The following ATOSA variants were observed in gnomAD, a reference collection of about 807,000 sequenced individuals.
ATOSA encodes the protein atos homolog A.
At chr15:52,608,500 C>G in the ATOSA span, 2 of 1,476,874 alleles carry the variant, frequency 1.4e-6, no homozygotes, top group African/African-American at 1.4e-5. Flanking sequence ...AACCAGATCT[C>G]CTGTGAACAA....
the ATOSA span, chr15:52,605,125 AT>A: frequency 1.4e-5 from 22 of 1,586,978 alleles, no homozygotes; most frequent in Non-Finnish European, 1.9e-5. Context: ...AAGAAAAAAA[AT>A]GCTTACAGGG....
At chr15:52,682,797 G>A in the ATOSA span, among the ~76,000 whole-genome samples, 1 of 152,176 alleles carries the variant, frequency 6.6e-6, no homozygotes, top group African/African-American at 2.4e-5. Context: ...AAGATGAAAT[G>A]CAAGCTATCT....
At chr15:52,608,557 A>G in the ATOSA span, 2 of 1,544,156 alleles carry the variant, frequency 1.3e-6, no homozygotes, top group Non-Finnish European at 1.7e-6. Flanking sequence ...GACATATTAG[A>G]TGTTACTTAC....
the ATOSA span, among the ~76,000 whole-genome samples, chr15:52,668,191 G>T: frequency 2.6e-5 from 4 of 152,136 alleles, no homozygotes; most frequent in Admixed American, 6.5e-5. Context: ...GTACACACAC[G>T]TGCGCACACA....
At chr15:52,692,310 T>G in the ATOSA span, among the ~76,000 whole-genome samples, 1 of 152,212 alleles carries the variant, frequency 6.6e-6, no homozygotes, top group African/African-American at 2.4e-5. Context: ...AATCTACACT[T>G]GACAAAATTT....
At chr15:52,598,248 T>G in the ATOSA span, among the ~76,000 whole-genome samples, 2 of 152,170 alleles carry the variant, frequency 1.3e-5, no homozygotes, top group African/African-American at 4.8e-5. Flanking sequence ...TAACAACATT[T>G]TAAGAAAGTT....
At chr15:52,614,560 T>C in the ATOSA span, among the ~76,000 whole-genome samples, 1 of 151,738 alleles carries the variant, frequency 6.6e-6, no homozygotes, top group South Asian at 2.1e-4. Flanking sequence ...AATAATTATA[T>C]TTTCGGGCCG....
chr15:52,640,611 A>T, the ATOSA span, among the ~76,000 whole-genome samples: 1 of 130,396 alleles, frequency 7.7e-6, no homozygotes, highest in Non-Finnish European at 1.6e-5. Context: ...CAGCAATCTT[A>T]TATCAGAGAT....
At chr15:52,584,539 A>C in the ATOSA span, among the ~76,000 whole-genome samples, 9 of 152,314 alleles carry the variant, frequency 5.9e-5, no homozygotes, top group South Asian at 1.9e-3. Context: ...ACAGCTATAA[A>C]TGAAAACTTC....
chr15:52,660,600 T>C, the ATOSA span, among the ~76,000 whole-genome samples: 1 of 152,224 alleles, frequency 6.6e-6, no homozygotes, highest in Non-Finnish European at 1.5e-5. Flanking sequence ...TGCTAATTTA[T>C]TAACAATAAC....
chr15:52,613,373 T>C, the ATOSA span, among the ~76,000 whole-genome samples: 6 of 151,996 alleles, frequency 3.9e-5, no homozygotes, highest in Non-Finnish European at 8.8e-5. Flanking sequence ...CTCAAATATA[T>C]AAATAAATAA....
chr15:52,634,293 T>C, the ATOSA span, among the ~76,000 whole-genome samples: 2 of 152,060 alleles, frequency 1.3e-5, no homozygotes, highest in East Asian at 1.9e-4. Flanking sequence ...TAGTCAGGTA[T>C]GGTGGTGTAA....
chr15:52,638,385 C>T, the ATOSA span, among the ~76,000 whole-genome samples: 2 of 151,988 alleles, frequency 1.3e-5, no homozygotes, highest in East Asian at 1.9e-4. Flanking sequence ...ACGTAAACTA[C>T]GGACTATGGG....
At chr15:52,617,658 A>G in the ATOSA span, among the ~76,000 whole-genome samples, 4 of 151,782 alleles carry the variant, frequency 2.6e-5, no homozygotes, top group South Asian at 2.1e-4. Context: ...AAGCATGTAT[A>G]TAACTTTTAA....
At chr15:52,619,446 G>C in the ATOSA span, among the ~76,000 whole-genome samples, 1 of 152,034 alleles carries the variant, frequency 6.6e-6, no homozygotes, top group Non-Finnish European at 1.5e-5. Context: ...TTTGATTTTA[G>C]AGCATCTGAA....
chr15:52,584,197 T>G, the ATOSA span, among the ~76,000 whole-genome samples: 1 of 146,518 alleles, frequency 6.8e-6, no homozygotes, highest in Non-Finnish European at 1.5e-5. Flanking sequence ...CAGGCTGGAG[T>G]CCAATGGTGT....
At chr15:52,678,125 G>T in the ATOSA span, 2 of 1,369,146 alleles carry the variant, frequency 1.5e-6, no homozygotes, top group South Asian at 2.3e-5. Context: ...TCAAAATGCT[G>T]AAAGAGACAA....
chr15:52,624,871 G>A, the ATOSA span, among the ~76,000 whole-genome samples: 1 of 150,752 alleles, frequency 6.6e-6, no homozygotes. Context: ...TCTGCCTCCT[G>A]GGTTCAAGTG....
chr15:52,587,019 G>C, the ATOSA span: 2 of 1,540,812 alleles, frequency 1.3e-6, no homozygotes, highest in Non-Finnish European at 1.7e-6. Context: ...CAGAGCAGGG[G>C]AACTCCAAAC....
Sources: gnomAD v4.1 joint callset for allele counts (sites outside exome capture counted in the v4.1 genomes callset) on GRCh38, gnomAD v4.1.1 for gene constraint, MANE v1.5 for transcripts, NCBI Gene and HGNC (gene_info 2026-07-23, HGNC 2026-07-21) for gene names.